Variants in SLC1A2 observed in about 807,000 individuals in gnomAD.
SLC1A2 encodes the protein solute carrier family 1 member 2, also known as excitatory amino acid transporter 2.
In SLC1A2, 15 loss-of-function variants were observed where a neutral mutation model predicts 48.8. The ratio of observed to expected loss-of-function variants is 0.31; its 90% CI spans 0.21 to 0.47. SLC1A2 has a LOEUF of 0.47. Among genes scored for constraint, SLC1A2 ranks in the 20% least tolerant of loss-of-function variants. The probability of loss-of-function intolerance (pLI) is 0.99; values close to 1 mark genes in which losing one functional copy is unlikely to be tolerated. For missense variants in SLC1A2, 502 were observed against 730.5 expected, an observed-to-expected ratio of 0.69 and a Z score of 3.61; for synonymous variants, 279 against 272.6, an observed-to-expected ratio of 1.02 and a Z score of -0.23.
At chr11:35,411,129 T>C (rs548278939) in intron 1 of SLC1A2, among the ~76,000 whole-genome samples, 2 of 152,366 alleles carry the variant, frequency 1.3e-5, no homozygotes, top group African/African-American at 4.8e-5. Context: ...TGCTGATTGA[T>C]GGGATTGAGT....
chr11:35,278,263 G>GA (rs1554992232), intron 9 of SLC1A2, among the ~76,000 whole-genome samples: 1 of 103,810 alleles, frequency 9.6e-6, no homozygotes, highest in Non-Finnish European at 1.9e-5. Context: ...TCTTACTTCT[G>GA]TTTTTTTTTG....
chr11:35,264,429 T>C (rs912301386), intron 10 of SLC1A2, among the ~76,000 whole-genome samples: 1 of 152,236 alleles, frequency 6.6e-6, no homozygotes, highest in East Asian at 1.9e-4. Flanking sequence ...TCAGCTGCTG[T>C]GTGGAATCAT....
At chr11:35,274,561 T>TTG (rs199559536) in intron 9 of SLC1A2, among the ~76,000 whole-genome samples, 2,753 of 150,574 alleles carry the variant, frequency 0.018, 61 homozygotes, top group East Asian at 0.082. Context: ...TTAGTTAAGT[T>TTG]TGTGTGTGTG....
intron 1 of SLC1A2, among the ~76,000 whole-genome samples, chr11:35,411,020 A>G (rs777580690): frequency 3.4e-4 from 51 of 152,230 alleles, no homozygotes; most frequent in Non-Finnish European, 6.2e-4. Flanking sequence ...TCAGACTAAT[A>G]GATAATGAGT....
At chr11:35,378,896 G>A (rs545502834) in intron 1 of SLC1A2, among the ~76,000 whole-genome samples, 17 of 152,350 alleles carry the variant, frequency 1.1e-4, no homozygotes, top group Non-Finnish European at 2.9e-5. Flanking sequence ...GGAGGGGTAA[G>A]TCTGAAGCTC....
chr11:35,346,528 C>G lies in SLC1A2; in HGVS notation c.18-29012G>C, dbSNP rs896835520. On this transcript the variant is annotated intron_variant, in intron 1 of 10. Transcript: ENST00000278379. ...ACTCAGCTCTGGACCACAAGGCATT[C>G]GATCTAATGGCAGAGACATGACCTA... 2.0e-5 allele frequency among the ~76,000 whole-genome samples: 3 copies of G among 152,302 alleles called. No individual in the cohort carries two copies. The South Asian group carries it at 6.2e-4, about 32-fold the overall frequency.
At chr11:35,317,162 A>C in intron 2 of SLC1A2, 1 of 521,666 alleles carries the variant, frequency 1.9e-6, no homozygotes, top group South Asian at 3.2e-5. Context: ...TTTATTTGCA[A>C]AAAATTTAAG....
intron 1 of SLC1A2, among the ~76,000 whole-genome samples, chr11:35,397,974 C>T (rs1855017333): frequency 6.6e-6 from 1 of 152,206 alleles, no homozygotes; most frequent in Non-Finnish European, 1.5e-5. Context: ...CTTTAAAACT[C>T]ACAAAGCATA....
At chr11:35,288,087 G>A (rs1850882428) in intron 7 of SLC1A2, among the ~76,000 whole-genome samples, 1 of 152,198 alleles carries the variant, frequency 6.6e-6, no homozygotes. Flanking sequence ...TTCTCAAAGA[G>A]TGGGAGAAGA....
intron 9 of SLC1A2, among the ~76,000 whole-genome samples, chr11:35,271,406 C>T (rs538882015): frequency 6.6e-6 from 1 of 152,248 alleles, no homozygotes; most frequent in South Asian, 2.1e-4. Flanking sequence ...GTGTAAAAAG[C>T]AGACAGTCTA....
chr11:35,326,584 C>A (rs1213368241), intron 1 of SLC1A2, among the ~76,000 whole-genome samples: 3 of 152,242 alleles, frequency 2.0e-5, no homozygotes, highest in Non-Finnish European at 2.9e-5. Flanking sequence ...TCAGTGCAGT[C>A]TGTCTCTTTT....
At chr11:35,295,028 T>A (rs1018701203) in intron 6 of SLC1A2, among the ~76,000 whole-genome samples, 2 of 152,060 alleles carry the variant, frequency 1.3e-5, no homozygotes, top group Non-Finnish European at 2.9e-5. Flanking sequence ...TTGTGCCTAT[T>A]TTTATTTTAT....
chr11:35,312,403 C>A lies in SLC1A2; in HGVS notation c.356G>T (p.Arg119Ile), dbSNP rs144194604. ...CGTGGACATGTAATACACCATGGCT[C>A]TCGTGCCCAAGCGGCCACTAGCCTT... ...DAKASGRLGT[R>I]AMVYYMSTTI... The change falls in exon 4 of 11, where the codon AGA becomes ATA. Residue 119 changes from arginine (R) to isoleucine (I), a missense_variant. By Grantham distance (97) the Arg-to-Ile change is moderately conservative (BLOSUM62 -3). Coordinates refer to ENST00000278379, the MANE Select transcript of SLC1A2 (RefSeq NM_004171.4). The A allele has an allele frequency of 6.2e-7, 1 of 1,614,038 alleles. No individual in the cohort carries two copies. Among genetic ancestry groups the A allele is most frequent in the Non-Finnish European group, 8.5e-7 (1 of 1,179,990 alleles).
intron 1 of SLC1A2, among the ~76,000 whole-genome samples, chr11:35,392,976 T>C (rs908526978): frequency 1.3e-5 from 2 of 152,222 alleles, no homozygotes; most frequent in African/African-American, 4.8e-5. Context: ...ACTGGTCAAA[T>C]GACAGATGAC....
At chr11:35,328,127 G>A (rs1852306511) in intron 1 of SLC1A2, among the ~76,000 whole-genome samples, 1 of 152,126 alleles carries the variant, frequency 6.6e-6, no homozygotes, top group South Asian at 2.1e-4. Flanking sequence ...TGGTGCCATG[G>A]CCCCAGATGT....
intron 10 of SLC1A2, chr11:35,264,195 G>C (rs1372904594): frequency 1.3e-5 from 2 of 152,184 alleles, no homozygotes; most frequent in Admixed American, 1.3e-4. Context: ...ATCTTACAAA[G>C]AGAGGACAAG....
At chr11:35,313,547 C>G (rs758226450) in intron 3 of SLC1A2, among the ~76,000 whole-genome samples, 6 of 152,070 alleles carry the variant, frequency 3.9e-5, no homozygotes, top group Non-Finnish European at 7.4e-5. Context: ...GGGTGTTAGT[C>G]CTTTTTGCTA....
intron 1 of SLC1A2, among the ~76,000 whole-genome samples, chr11:35,389,521 A>G (rs928042750): frequency 7.9e-5 from 12 of 151,120 alleles, no homozygotes; most frequent in African/African-American, 2.9e-4. Context: ...CCCTGGCTGG[A>G]GTGCAATGGC....
chr11:35,374,671 C>G (rs1031227731), intron 1 of SLC1A2, among the ~76,000 whole-genome samples: 1 of 152,200 alleles, frequency 6.6e-6, no homozygotes, highest in Non-Finnish European at 1.5e-5. Flanking sequence ...TTGGACACCA[C>G]TGGTTAAAAG....
Sources: allele counts gnomAD v4.1 joint callset (sites outside exome capture counted in the v4.1 genomes callset), GRCh38; gene constraint gnomAD v4.1.1; transcripts MANE v1.5; gene names NCBI Gene and HGNC (gene_info 2026-07-23, HGNC 2026-07-21).